Variants in DCDC1 observed in about 807,000 individuals in gnomAD.
The protein encoded by DCDC1 is doublecortin domain-containing protein 1.
DCDC1 carries 200 observed loss-of-function variants against 178.3 expected under a neutral mutation model. That is an observed-to-expected ratio of 1.12 (90% CI 1.00 to 1.26). The LOEUF is 1.26. Among genes scored for constraint, DCDC1 ranks in the 50% most tolerant of loss-of-function variants. The pLI is 0.00. For missense variants in DCDC1, 1,983 were observed against 1,749.2 expected (o/e 1.13, Z -2.38); for synonymous variants, 690 against 604.8 (o/e 1.14, Z -2.07).
intron 7 of DCDC1, chr11:31,281,123 T>C (rs143361894): frequency 1.9e-5 from 7 of 363,932 alleles, no homozygotes; most frequent in Non-Finnish European, 3.7e-5. Context: ...TTGCTGAATG[T>C]ATTCCTTAGT....
rs1266002795 is a variant in DCDC1 at position 30,865,329 on chromosome 11, T to C, written c.*44A>G. On this transcript the variant is annotated 3_prime_UTR_variant, in exon 39 of 39. Coordinates refer to ENST00000684477, the MANE Select transcript of DCDC1 (RefSeq NM_001387274.1). ...TTATAAGTGGGTAAAGAAAGTTTTC[T>C]TTCCTGTAAGGTAGAGAGAGAAACA... 6.6e-6 allele frequency: 1 copy of C among 152,244 alleles called. No individual in the cohort carries two copies. The highest frequency in any genetic ancestry group is 1.5e-5 in the Non-Finnish European group (1 of 68,038). The allele number at this position is 152,244 out of a possible 1,614,324, so 9.4% of individuals were successfully genotyped here.
intron 21 of DCDC1, chr11:30,944,407 A>G (rs1023675745): frequency 1.3e-5 from 6 of 452,678 alleles, no homozygotes; most frequent in Admixed American, 2.4e-5. Flanking sequence ...GTATAAAATT[A>G]TTATTTATGC....
chr11:31,311,360 T>C (rs1425810880), intron 3 of DCDC1, among the ~76,000 whole-genome samples: 14 of 151,882 alleles, frequency 9.2e-5, no homozygotes, highest in Admixed American at 8.5e-4. Context: ...ACAGGGAAAA[T>C]ATAATTGGGT....
At chr11:31,104,146 A>ATT (rs1958693713) in intron 13 of DCDC1, among the ~76,000 whole-genome samples, 1 of 152,170 alleles carries the variant, frequency 6.6e-6, no homozygotes, top group Admixed American at 6.5e-5. Flanking sequence ...AATTCTTAAT[A>ATT]TTTGGCCACG....
At chr11:31,144,886 G>A (rs891880363) in intron 9 of DCDC1, among the ~76,000 whole-genome samples, 1 of 151,876 alleles carries the variant, frequency 6.6e-6, no homozygotes, top group Non-Finnish European at 1.5e-5. Context: ...GTTCCTTTTT[G>A]AGGTATAGTT....
At chr11:31,090,365 C>T (rs550610780) in intron 17 of DCDC1, among the ~76,000 whole-genome samples, 3 of 152,216 alleles carry the variant, frequency 2.0e-5, no homozygotes, top group Non-Finnish European at 4.4e-5. Flanking sequence ...GGTTATAGGG[C>T]CTGACTGCTT....
intron 20 of DCDC1, among the ~76,000 whole-genome samples, chr11:30,968,186 G>A (rs914504144): frequency 9.2e-5 from 14 of 152,150 alleles, no homozygotes; most frequent in African/African-American, 2.7e-4. Flanking sequence ...GGTAATCATG[G>A]GTTTTGTAGA....
chr11:31,014,312 T>C (rs1273690905), intron 20 of DCDC1, among the ~76,000 whole-genome samples: 1 of 151,652 alleles, frequency 6.6e-6, no homozygotes, highest in African/African-American at 2.4e-5. Context: ...GAAATACCAT[T>C]ACAAGCCCTG....
chr11:31,046,123 G>C (rs796125154), intron 20 of DCDC1, among the ~76,000 whole-genome samples: 3 of 152,142 alleles, frequency 2.0e-5, no homozygotes, highest in African/African-American at 7.2e-5. Context: ...TATCCACGTT[G>C]CTTGCCCCTG....
intron 3 of DCDC1, among the ~76,000 whole-genome samples, chr11:31,324,865 A>T (rs923014116): frequency 6.6e-6 from 1 of 152,180 alleles, no homozygotes; most frequent in Non-Finnish European, 1.5e-5. Context: ...TGAAAGCAAG[A>T]TTTGCTTGTG....
At chr11:30,924,141 A>C (rs1946444025) in intron 23 of DCDC1, among the ~76,000 whole-genome samples, 1 of 152,184 alleles carries the variant, frequency 6.6e-6, no homozygotes, top group South Asian at 2.1e-4. Flanking sequence ...AACTTTTTGT[A>C]TTGTATGATT....
chr11:31,008,708 A>T (rs1052493737), intron 20 of DCDC1, among the ~76,000 whole-genome samples: 2 of 152,238 alleles, frequency 1.3e-5, no homozygotes, highest in Non-Finnish European at 2.9e-5. Flanking sequence ...GAAAACTGGG[A>T]TGCTTGCAAA....
chr11:31,041,341 A>G (rs1249908308), intron 20 of DCDC1, among the ~76,000 whole-genome samples: 1 of 152,154 alleles, frequency 6.6e-6, no homozygotes, highest in East Asian at 1.9e-4. Context: ...ACTTCAAATA[A>G]CTGTTCTGCT....
chr11:31,104,872 G>A (rs1958749296), intron 13 of DCDC1, among the ~76,000 whole-genome samples: 1 of 152,006 alleles, frequency 6.6e-6, no homozygotes, highest in South Asian at 2.1e-4. Context: ...GGAGCTCATT[G>A]TACTATTTTT....
At chr11:31,038,302 G>C (rs1457629944) in intron 20 of DCDC1, among the ~76,000 whole-genome samples, 2 of 152,020 alleles carry the variant, frequency 1.3e-5, no homozygotes, top group African/African-American at 4.8e-5. Context: ...TGGATACCTG[G>C]AGAGTATTTG....
chr11:30,932,373 A>G (rs904954552), intron 21 of DCDC1, among the ~76,000 whole-genome samples: 3 of 152,198 alleles, frequency 2.0e-5, no homozygotes, highest in African/African-American at 7.2e-5. Flanking sequence ...TATTTGGAGA[A>G]TATTGCAAAA....
Position 30,873,360 on chromosome 11 carries a change from T to TAGAGAGAGAG in DCDC1, c.*40+5183_*40+5184insCTCTCTCTCT, listed in dbSNP as rs1318294592. On this transcript the variant is annotated intron_variant, in intron 38 of 38. Coordinates refer to ENST00000684477, the MANE Select transcript of DCDC1 (RefSeq NM_001387274.1). ...GTGTATATACATATATATATATATA[T>TAGAGAGAGAG]ATATAGAGAGAGAGAGAGAGAGAGA... Among the ~76,000 whole-genome samples the TAGAGAGAGAG allele has an allele frequency of 2.0e-3, 271 of 138,636 alleles. 4 individuals are homozygous for TAGAGAGAGAG. The highest frequency in any genetic ancestry group is 7.3e-3 in the African/African-American group (266 of 36,566). The allele number at this position is 138,636 out of a possible 152,430, so 91.0% of individuals were successfully genotyped here.
chr11:31,014,815 A>G (rs1250179252), intron 20 of DCDC1, among the ~76,000 whole-genome samples: 2 of 152,174 alleles, frequency 1.3e-5, no homozygotes, highest in Admixed American at 1.3e-4. Context: ...GGAGATCAAC[A>G]TCTTAATATC....
intron 20 of DCDC1, among the ~76,000 whole-genome samples, chr11:30,988,738 C>T (rs1052793717): frequency 2.0e-5 from 3 of 152,082 alleles, no homozygotes; most frequent in Non-Finnish European, 4.4e-5. Context: ...GCAAAAAAAT[C>T]TTATAATGTT....
Sources: allele counts gnomAD v4.1 joint callset (sites outside exome capture counted in the v4.1 genomes callset), GRCh38; gene constraint gnomAD v4.1.1; transcripts MANE v1.5; gene names NCBI Gene and HGNC (gene_info 2026-07-23, HGNC 2026-07-21).